The following KLF11 variants were observed in gnomAD, a reference collection of about 807,000 sequenced individuals.
The protein encoded by KLF11 is KLF transcription factor 11.
Under a neutral mutation model 29.9 loss-of-function variants are expected in KLF11, and 26 were observed. The observed-to-expected ratio is 0.87, with a 90% CI of 0.64 to 1.21. KLF11 has a LOEUF of 1.21. Ranked by LOEUF, KLF11 falls within the 50% of genes most tolerant of loss-of-function variation. The pLI is 0.00. For synonymous variants in KLF11, 318 were observed against 257.4 expected (o/e 1.24, Z -2.25); for missense variants, 778 against 665.7 (o/e 1.17, Z -1.86).
At chr2:10,050,665 C>T (rs1661375638) in intron 3 of KLF11, among the ~76,000 whole-genome samples, 1 of 152,026 alleles carries the variant, frequency 6.6e-6, no homozygotes, top group East Asian at 2.0e-4. Context: ...GCCGAGATTA[C>T]GCCACTGCAC....
intron 1 of KLF11, chr2:10,044,047 A>T: frequency 2.9e-6 from 2 of 696,544 alleles, no homozygotes; most frequent in Non-Finnish European, 3.5e-6. Flanking sequence ...TCCAGCCATG[A>T]CGTCACCCCG....
intron 3 of KLF11, among the ~76,000 whole-genome samples, chr2:10,051,613 G>T (rs931721210): frequency 2.0e-5 from 3 of 152,070 alleles, no homozygotes; most frequent in Non-Finnish European, 4.4e-5. Flanking sequence ...TGCCTCCCGG[G>T]TTCACACCAT....
intron 1 of KLF11, among the ~76,000 whole-genome samples, chr2:10,045,598 C>T (rs1178972383): frequency 2.0e-5 from 3 of 152,246 alleles, no homozygotes; most frequent in East Asian, 1.9e-4. Context: ...CTTCCACTCC[C>T]GAATCTGTGG....
Position 10,052,454 on chromosome 2 carries a change from G to A in KLF11, c.1486G>A (p.Ala496Thr), listed in dbSNP as rs868399686. ...AGAGGTTGGCAAGCTGAACAGAATC[G>A]CCTCTGCAGAGAGCCCGGGGAGCCC... ...QAEVGKLNRI[A>T]SAESPGSPLV... is the part of the protein sequence containing the mutation. Residue 496 changes from alanine (A) to threonine (T), a missense_variant, in exon 4 of 4, where the codon GCC becomes ACC. Coordinates refer to ENST00000305883, the MANE Select transcript of KLF11 (RefSeq NM_003597.5). 2.0e-5 allele frequency: 33 copies of A among 1,613,948 alleles called. No individual in the cohort carries two copies. The highest frequency in any genetic ancestry group is 1.7e-4 in the African/African-American group (13 of 74,888).
At chr2:10,050,886 T>G (rs1246944295) in intron 3 of KLF11, among the ~76,000 whole-genome samples, 4 of 133,186 alleles carry the variant, frequency 3.0e-5, no homozygotes, top group Admixed American at 8.3e-5. Flanking sequence ...AGTGAATAGA[T>G]GCTACCTTTT....
At chr2:10,051,389 A>G (rs560593729) in intron 3 of KLF11, among the ~76,000 whole-genome samples, 4 of 151,998 alleles carry the variant, frequency 2.6e-5, no homozygotes, top group African/African-American at 9.7e-5. Flanking sequence ...TTGTATTTTT[A>G]GTAGAGACAG....
intron 1 of KLF11, chr2:10,044,312 G>C: frequency 1.0e-6 from 1 of 985,608 alleles, no homozygotes; most frequent in Non-Finnish European, 1.2e-6. Context: ...GCTTGGAGGC[G>C]GGAACGCGGC....
At chr2:10,049,168 G>A (rs144247782) in intron 3 of KLF11, among the ~76,000 whole-genome samples, 1 of 152,212 alleles carries the variant, frequency 6.6e-6, no homozygotes, top group East Asian at 1.9e-4. Context: ...ATAATTTTTT[G>A]CAATGGTGGA....
rs1205970596 is a variant in KLF11, at chr2:10,053,117, T to G, written c.*610T>G. 1 of 397,934 alleles carries G rather than the reference T, an allele frequency of 2.5e-6. No individual in the cohort carries two copies. Among genetic ancestry groups the G allele is most frequent in the African/African-American group, 2.1e-5 (1 of 48,638 alleles). 24.7% of individuals were successfully genotyped at this position (397,934 alleles called of 1,614,324 possible). A position where few individuals can be genotyped will look rare whatever the true frequency, so the allele number is the denominator to read the frequency against. ...GGGAAAAATAAATTTTGCCGTCAGC[T>G]TCTTCATAACGTTTTCAAGGAAATT... On this transcript the variant is annotated 3_prime_UTR_variant, in exon 4 of 4. Transcript: ENST00000305883.
At position 10,053,390 on chromosome 2, in the gene KLF11, C is replaced by G. The variant is rs1408538581; in HGVS notation, c.*883C>G. On this transcript the variant is annotated 3_prime_UTR_variant, in exon 4 of 4. Transcript: ENST00000305883. ...AAAAAGAAACACTCAAATCCAGCTG[C>G]TTTGTCAATTGTCAGTTCTGACTCC... 1 of 398,534 alleles carries G rather than the reference C, an allele frequency of 2.5e-6. No individual in the cohort carries two copies. The highest frequency in any genetic ancestry group is 2.1e-5 in the African/African-American group (1 of 48,628). 24.7% of individuals were successfully genotyped at this position (398,534 alleles called of 1,614,324 possible). A position where few individuals can be genotyped will look rare whatever the true frequency, so the allele number is the denominator to read the frequency against.
At chr2:10,045,271 C>T (rs1357126819) in intron 1 of KLF11, among the ~76,000 whole-genome samples, 2 of 151,922 alleles carry the variant, frequency 1.3e-5, no homozygotes, top group Admixed American at 1.3e-4. Flanking sequence ...ACTAAAAATA[C>T]GAAATTTTCT....
At chr2:10,049,161 AT>A (rs1393875417) in intron 3 of KLF11, among the ~76,000 whole-genome samples, 6 of 152,092 alleles carry the variant, frequency 3.9e-5, no homozygotes, top group Non-Finnish European at 1.5e-5. Context: ...GTCCAATATA[AT>A]TTTTTGCAAT....
chr2:10,044,069 C>CG, intron 1 of KLF11: 1 of 711,624 alleles, frequency 1.4e-6, no homozygotes, highest in Non-Finnish European at 1.7e-6. Flanking sequence ...TCCTGTGAGC[C>CG]GGACGGCCGT....
rs1661204905 is a variant in KLF11 at position 10,046,399 on chromosome 2, T to C, written c.292T>C (p.Phe98Leu). 3.7e-6 allele frequency: 6 copies of C among 1,614,116 alleles called. No homozygotes were observed. The highest frequency in any genetic ancestry group is 5.1e-6 in the Non-Finnish European group (6 of 1,180,016). ...AGCCACACCTGAACTACCAAAAGAC[T>C]TCCATTCTTTATCGACTCTGGTAAG... ...DAATPELPKD[F>L]HSLSTLCITP... The change falls in exon 2 of 4, where the codon TTC (phenylalanine) becomes CTC (leucine). Residue 98 changes from phenylalanine to leucine, a missense_variant. By Grantham distance (22) the Phe-to-Leu change is conservative. Transcript: ENST00000305883.
At position 10,047,766 on chromosome 2, in the gene KLF11, C is replaced by CCACT; in HGVS notation, c.429_430insCACT (p.Val144HisfsTer32). 1 of 1,613,732 alleles carries CCACT rather than the reference C, an allele frequency of 6.2e-7. No individual in the cohort carries two copies. Among genetic ancestry groups the CCACT allele is most frequent in the Non-Finnish European group, 8.5e-7 (1 of 1,179,974 alleles). On this transcript the variant is annotated frameshift_variant, in exon 3 of 4. Transcript: ENST00000305883. LOFTEE classifies it high-confidence loss of function. The stretch of plus-strand genomic sequence containing the variant: ...CCACGGATGTTCTCCAGTCCTCTGC[C>CCACT]GTAGTGGCCAGAGCTCTGAGCGGGG...
At chr2:10,044,389 C>G in intron 1 of KLF11, 1 of 985,638 alleles carries the variant, frequency 1.0e-6, no homozygotes, top group Non-Finnish European at 1.2e-6. Flanking sequence ...TGGACGTGGG[C>G]AGAGCGCGGG....
Position 10,052,915 on chromosome 2 carries a change from C to A in KLF11, c.*408C>A. 3.1e-6 allele frequency: 1 copy of A among 324,570 alleles called. No homozygotes were observed. Among genetic ancestry groups the A allele is most frequent in the Non-Finnish European group, 5.6e-6 (1 of 180,056 alleles). The allele number at this position is 324,570 out of a possible 1,614,324, so 20.1% of individuals were successfully genotyped here. A position where few individuals can be genotyped will look rare whatever the true frequency, so the allele number is the denominator to read the frequency against. On this transcript the variant is annotated 3_prime_UTR_variant, in exon 4 of 4. Coordinates refer to ENST00000305883, the MANE Select transcript of KLF11 (RefSeq NM_003597.5). ...ATATTTATATTGTTGGTGCTCAAAT[C>A]ACCAATTTCTAGCTAGATCATTTTG...
chr2:10,050,964 C>T (rs1661386730), intron 3 of KLF11, among the ~76,000 whole-genome samples: 5 of 113,796 alleles, frequency 4.4e-5, no homozygotes, highest in Middle Eastern at 0.01. Flanking sequence ...TGCAGTGGCG[C>T]GATCTCGGCT....
chr2:10,050,937 T>G (rs1177515720), intron 3 of KLF11, among the ~76,000 whole-genome samples: 5 of 128,290 alleles, frequency 3.9e-5, no homozygotes, highest in Non-Finnish European at 8.1e-5. Context: ...AATCTTGCTC[T>G]GTCGCCCAGG....
Sources: allele counts gnomAD v4.1 joint callset (sites outside exome capture counted in the v4.1 genomes callset), GRCh38; gene constraint gnomAD v4.1.1; transcripts MANE v1.5; gene names NCBI Gene and HGNC (gene_info 2026-07-23, HGNC 2026-07-21).